The following ASB4 variants were observed in gnomAD, a reference collection of about 807,000 sequenced individuals.
The protein encoded by ASB4 is ankyrin repeat and SOCS box containing 4, also known as ankyrin repeat and SOCS box protein 4.
In ASB4, 35 loss-of-function variants were observed where a neutral mutation model predicts 38.6. The observed-to-expected ratio is 0.91, with a 90% CI of 0.69 to 1.20. The LOEUF is 1.20. Among genes scored for constraint, ASB4 ranks in the 50% most tolerant of loss-of-function variants. The probability of loss-of-function intolerance (pLI) is 0.00; values close to 1 mark genes in which losing one functional copy is unlikely to be tolerated. For synonymous variants in ASB4, 195 were observed against 201.3 expected, an observed-to-expected ratio of 0.97 and a Z score of 0.26; for missense variants, 557 against 527.2, an observed-to-expected ratio of 1.06 and a Z score of -0.55.
At chr7:95,524,002 A>G (rs752702027) in intron 2 of ASB4, among the ~76,000 whole-genome samples, 2 of 152,226 alleles carry the variant, frequency 1.3e-5, no homozygotes, top group Non-Finnish European at 2.9e-5. Context: ...CAATGTTGAT[A>G]AGGATGTAAT....
At chr7:95,531,049 A>G (rs1179999495) in intron 3 of ASB4, among the ~76,000 whole-genome samples, 4 of 152,174 alleles carry the variant, frequency 2.6e-5, no homozygotes, top group Non-Finnish European at 5.9e-5. Flanking sequence ...TGCCTTGGCA[A>G]TGCGATGCAG....
intron 1 of ASB4, among the ~76,000 whole-genome samples, chr7:95,493,796 CT>C (rs1790207993): frequency 6.6e-6 from 1 of 152,024 alleles, no homozygotes; most frequent in Non-Finnish European, 1.5e-5. Context: ...GTTTGGCTCC[CT>C]GCTTCTCTCA....
At position 95,537,911 on chromosome 7, in the gene ASB4, A is replaced by C; in HGVS notation, c.*152A>C. The C allele has an allele frequency of 4.8e-6, 3 of 620,786 alleles. No individual in the cohort carries two copies. Among genetic ancestry groups the C allele is most frequent in the Non-Finnish European group, 8.3e-6 (3 of 361,946 alleles). The allele number at this position is 620,786 out of a possible 1,614,324, so 38.5% of individuals were successfully genotyped here. On this transcript the variant is annotated 3_prime_UTR_variant, in exon 5 of 5. Transcript: ENST00000325885. The stretch of plus-strand genomic sequence containing the variant: ...ACACTGCCATTAATCCTAGAATATC[A>C]TGGTATGGGGAAATAAAGAAGAAGT...
chr7:95,534,341 T>TAA (rs11479848), intron 3 of ASB4, among the ~76,000 whole-genome samples: 1 of 146,630 alleles, frequency 6.8e-6, no homozygotes, highest in African/African-American at 2.5e-5. Context: ...AAAACTCCAT[T>TAA]AAAAAAAAAA....
chr7:95,546,170 T>C, the ASB4 span, among the ~76,000 whole-genome samples: 2 of 152,214 alleles, frequency 1.3e-5, no homozygotes, highest in African/African-American at 4.8e-5. Context: ...ATTATTATTA[T>C]AGTCCCACCC....
At chr7:95,551,038 T>C in the ASB4 span, among the ~76,000 whole-genome samples, 1 of 152,166 alleles carries the variant, frequency 6.6e-6, no homozygotes, top group Non-Finnish European at 1.5e-5. Flanking sequence ...TGGAGTGCAA[T>C]GGTGTGATCT....
chr7:95,487,798 T>C (rs979657972), intron 1 of ASB4, among the ~76,000 whole-genome samples: 2 of 152,170 alleles, frequency 1.3e-5, no homozygotes, highest in Admixed American at 6.5e-5. Flanking sequence ...ATTAGGGAGA[T>C]AGCAAATTAC....
At chr7:95,529,890 C>T (rs1177885216) in intron 3 of ASB4, among the ~76,000 whole-genome samples, 2 of 151,910 alleles carry the variant, frequency 1.3e-5, no homozygotes, top group African/African-American at 4.8e-5. Flanking sequence ...TTCATAAAGT[C>T]ACACAGAGTA....
In ASB4 at chr7:95,538,920, TA is replaced by T. The variant is rs1790933344; in HGVS notation, c.*1162del. On this transcript the variant is annotated 3_prime_UTR_variant, in exon 5 of 5. Transcript: ENST00000325885. ...GTGACAGTGGGCTACGAAAAGTAAA[TA>T]GAGAGACTTTTTGAAAATGGTAAAA... is the stretch of plus-strand genomic sequence containing the variant. The T allele has an allele frequency of 6.6e-6, 1 of 152,108 alleles. No homozygotes were observed. The highest frequency in any genetic ancestry group is 1.5e-5 in the Non-Finnish European group (1 of 68,010). 9.4% of individuals were successfully genotyped at this position (152,108 alleles called of 1,614,324 possible). A position where few individuals can be genotyped will look rare whatever the true frequency, so the allele number is the denominator to read the frequency against.
chr7:95,477,495 A>G (rs941106544), upstream of ASB4, among the ~76,000 whole-genome samples: 2 of 152,206 alleles, frequency 1.3e-5, no homozygotes, highest in Non-Finnish European at 2.9e-5. Context: ...GCTTATATAC[A>G]CTAGTGTGGC....
At chr7:95,523,028 A>G (rs1326860129) in intron 2 of ASB4, among the ~76,000 whole-genome samples, 2 of 152,208 alleles carry the variant, frequency 1.3e-5, no homozygotes, top group Non-Finnish European at 2.9e-5. Flanking sequence ...TAGAAATGTA[A>G]AGAAAACTTT....
chr7:95,531,821 C>G (rs893076355), intron 3 of ASB4, among the ~76,000 whole-genome samples: 3 of 152,200 alleles, frequency 2.0e-5, no homozygotes, highest in Non-Finnish European at 4.4e-5. Context: ...ATCTCCCCTG[C>G]TGGCTTTTCT....
At chr7:95,479,624 A>G (rs989523986) in intron 1 of ASB4, among the ~76,000 whole-genome samples, 1 of 152,152 alleles carries the variant, frequency 6.6e-6, no homozygotes, top group Non-Finnish European at 1.5e-5. Flanking sequence ...TTGAATATCC[A>G]CTGATAAAAT....
intron 2 of ASB4, among the ~76,000 whole-genome samples, chr7:95,503,014 A>C (rs1790362301): frequency 6.6e-6 from 1 of 152,216 alleles, no homozygotes. Context: ...GGTTGTAAAA[A>C]GCAGCTTATG....
intron 1 of ASB4, among the ~76,000 whole-genome samples, chr7:95,489,865 A>G (rs1257759780): frequency 6.6e-6 from 1 of 152,316 alleles, no homozygotes; most frequent in South Asian, 2.1e-4. Context: ...TGTCCCTTCT[A>G]TTGGTTTTCA....
At chr7:95,535,433 C>A (rs1048580251) in intron 3 of ASB4, among the ~76,000 whole-genome samples, 9 of 113,158 alleles carry the variant, frequency 8.0e-5, no homozygotes, top group African/African-American at 2.7e-4. Context: ...TTATGTTCTC[C>A]GAAGTTTCAT....
the ASB4 span, among the ~76,000 whole-genome samples, chr7:95,545,907 G>T: frequency 6.6e-6 from 1 of 152,164 alleles, no homozygotes. Context: ...ATGCACTTTT[G>T]CACATAGTCA....
At position 95,496,022 on chromosome 7, in the gene ASB4, G is replaced by C; in HGVS notation, c.452G>C (p.Ser151Thr). 6.2e-7 allele frequency: 1 copy of C among 1,613,778 alleles called. No individual in the cohort carries two copies. The highest frequency in any genetic ancestry group is 8.5e-7 in the Non-Finnish European group (1 of 1,179,782). The change falls in exon 2 of 5, where the codon AGT becomes ACT. Residue 151 changes from serine to threonine, a missense_variant. Coordinates refer to ENST00000325885, the MANE Select transcript of ASB4 (RefSeq NM_016116.3). Reference sequence around the variant, plus strand: ...GCTTTGCACTTTTGTACAACTCCAAGTTCCATTCTCTGTGCCAAGCAATTG... The same window carrying C: ...GCTTTGCACTTTTGTACAACTCCAACTTCCATTCTCTGTGCCAAGCAATTG... ...HTALHFCTTP[S>T]SILCAKQLVW...
intron 2 of ASB4, among the ~76,000 whole-genome samples, chr7:95,502,057 G>A (rs1790346111): frequency 6.6e-6 from 1 of 151,258 alleles, no homozygotes; most frequent in African/African-American, 2.4e-5. Context: ...TATGACAAAG[G>A]GCTTACTATA....
Sources: gnomAD v4.1 joint callset for allele counts (sites outside exome capture counted in the v4.1 genomes callset) on GRCh38, gnomAD v4.1.1 for gene constraint, MANE v1.5 for transcripts, NCBI Gene and HGNC (gene_info 2026-07-23, HGNC 2026-07-21) for gene names.